LEUTX: variants seen among roughly 807,000 people sequenced by gnomAD.
LEUTX encodes the protein leucine twenty homeobox.
LEUTX carries 5 observed loss-of-function variants against 4.5 expected under a neutral mutation model. That is an observed-to-expected ratio of 1.11 (90% confidence interval 0.58 to 2.34). LEUTX has a LOEUF of 2.34. Among genes scored for constraint, LEUTX ranks in the 30% most tolerant of loss-of-function variants. The probability of loss-of-function intolerance (pLI) is 0.01; values close to 1 mark genes in which losing one functional copy is unlikely to be tolerated. For missense variants in LEUTX, 233 were observed against 239.4 expected, an observed-to-expected ratio of 0.97 and a Z score of 0.18; for synonymous variants, 89 against 85.1, an observed-to-expected ratio of 1.05 and a Z score of -0.25.
At chr19:39,782,916 G>A (rs1967908489) in intron 1 of LEUTX, among the ~76,000 whole-genome samples, 1 of 152,076 alleles carries the variant, frequency 6.6e-6, no homozygotes, top group Non-Finnish European at 1.5e-5. Flanking sequence ...TGGGGAACAA[G>A]TGGTGTTTGG....
intron 2 of LEUTX, among the ~76,000 whole-genome samples, chr19:39,785,219 G>A (rs1006873143): frequency 2.6e-5 from 4 of 152,094 alleles, no homozygotes; most frequent in African/African-American, 4.8e-5. Flanking sequence ...CAGGAGGATC[G>A]CTTAAGCCCA....
At chr19:39,777,433 A>C (rs1474508035), upstream of LEUTX, among the ~76,000 whole-genome samples, 1 of 152,212 alleles carries the variant, frequency 6.6e-6, no homozygotes, top group Non-Finnish European at 1.5e-5. Flanking sequence ...CAAATGAAGA[A>C]GTGTCAGGGG....
At chr19:39,779,731 T>A (rs1223413916) in intron 1 of LEUTX, among the ~76,000 whole-genome samples, 1 of 152,222 alleles carries the variant, frequency 6.6e-6, no homozygotes, top group Non-Finnish European at 1.5e-5. Context: ...AGTATATTAC[T>A]GGCTGGGCAT....
At chr19:39,783,655 G>A (rs1028168110) in intron 1 of LEUTX, among the ~76,000 whole-genome samples, 12 of 151,608 alleles carry the variant, frequency 7.9e-5, no homozygotes, top group Non-Finnish European at 1.2e-4. Context: ...CTGCATCCAC[G>A]CCAACATCTA....
At chr19:39,778,102 C>A (rs998826134), upstream of LEUTX, among the ~76,000 whole-genome samples, 1 of 151,774 alleles carries the variant, frequency 6.6e-6, no homozygotes, top group Non-Finnish European at 1.5e-5. Context: ...ACAAATAAGA[C>A]CCATCATGGA....
chr19:39,778,727 A>G (rs1258341854), upstream of LEUTX, among the ~76,000 whole-genome samples: 1 of 144,820 alleles, frequency 6.9e-6, no homozygotes. Context: ...CATCAGGCAT[A>G]TAATAGGTTC....
chr19:39,785,774 C>G lies in LEUTX; in HGVS notation c.236C>G (p.Pro79Arg). Residue 79 changes from proline (P) to arginine (R), a missense_variant, in exon 3 of 3, where the codon CCA becomes CGA. Physicochemically the swap from Pro to Arg is moderately radical, Grantham distance 103. Transcript: ENST00000638280. ...ATGCAGACACGGCCATCACTAGGGC[C>G]AGCAAACCAGACAACTTCAGTGAAG... is the stretch of plus-strand genomic sequence containing the variant. ...QQMQTRPSLGPANQTTSVKKE... is the reference protein window; with the variant it reads ...QQMQTRPSLGRANQTTSVKKE... 1 of 1,551,760 alleles carries G rather than the reference C, an allele frequency of 6.4e-7. No individual in the cohort carries two copies. The highest frequency in any genetic ancestry group is 8.7e-7 in the Non-Finnish European group (1 of 1,147,014).
chr19:39,777,082 A>G (rs1039382668), upstream of LEUTX, among the ~76,000 whole-genome samples: 6 of 152,102 alleles, frequency 3.9e-5, no homozygotes, highest in Admixed American at 6.5e-5. Context: ...CACCTCAGAC[A>G]TGAAAAGGTT....
At position 39,785,717 on chromosome 19, in the gene LEUTX, G is replaced by A. The variant is rs985819903; in HGVS notation, c.179G>A (p.Arg60His). The A allele has an allele frequency of 2.1e-5, 32 of 1,551,828 alleles. No homozygotes were observed. The highest frequency in any genetic ancestry group is 2.5e-5 in the Non-Finnish European group (29 of 1,146,970). ...CCTTAGATCTGGTTCAAGAACCAGC[G>A]TGCCAAATGGAAGAGGCAGCAGCGG... is the stretch of plus-strand genomic sequence containing the variant. ...SVVKIWFKNQRAKWKRQQRQQ... is the reference protein window; with the variant it reads ...SVVKIWFKNQHAKWKRQQRQQ... The change falls in exon 3 of 3, where the codon CGT (arginine) becomes CAT (histidine). Residue 60 changes from arginine (R) to histidine (H), a missense_variant. Transcript: ENST00000638280.
At chr19:39,784,217 T>G (rs1967930022) in intron 1 of LEUTX, among the ~76,000 whole-genome samples, 1 of 152,222 alleles carries the variant, frequency 6.6e-6, no homozygotes, top group Non-Finnish European at 1.5e-5. Context: ...CTCTGGTGCC[T>G]CCTTGATTAG....
At position 39,785,904 on chromosome 19, in the gene LEUTX, G is replaced by T. The variant is rs552374784; in HGVS notation, c.366G>T (p.Lys122Asn). ...ATCTACGTGAGCCTTCTGGTATCAA[G>T]AATCCTGGAGGAGCCAGCGCCTCTG... ...DHDLREPSGI[K>N]NPGGASASAR... Residue 122 changes from lysine (K) to asparagine (N), a missense_variant, in exon 3 of 3, where the codon AAG becomes AAT. Lys to Asn is a moderately conservative substitution (Grantham distance 94, BLOSUM62 0). Transcript: ENST00000638280. 22 of 1,551,802 alleles carry T rather than the reference G, an allele frequency of 1.4e-5. No homozygotes were observed. In the South Asian group the frequency reaches 2.6e-4, roughly 18 times the overall value.
At chr19:39,779,137 A>G (rs1967845806) in intron 1 of LEUTX, among the ~76,000 whole-genome samples, 1 of 152,110 alleles carries the variant, frequency 6.6e-6, no homozygotes, top group African/African-American at 2.4e-5. Flanking sequence ...TTTTTTAAAG[A>G]GATGGGGTCT....
chr19:39,782,776 G>A (rs12162264), intron 1 of LEUTX, among the ~76,000 whole-genome samples: 14,853 of 152,242 alleles, frequency 0.098, 967 homozygotes, highest in Non-Finnish European at 0.14. Flanking sequence ...AGTGGGTCTC[G>A]TGAGTCAAAT....
At chr19:39,777,906 G>A (rs997091525), upstream of LEUTX, among the ~76,000 whole-genome samples, 9 of 152,172 alleles carry the variant, frequency 5.9e-5, no homozygotes, top group African/African-American at 2.2e-4. Context: ...GCTAGTCCAA[G>A]ACTTTTCCAA....
chr19:39,780,442 T>G (rs1265353766), intron 1 of LEUTX, among the ~76,000 whole-genome samples: 1 of 152,218 alleles, frequency 6.6e-6, no homozygotes, highest in Non-Finnish European at 1.5e-5. Context: ...TTTTGTTCAT[T>G]TATTGTGCTC....
At chr19:39,776,742 G>A (rs1417538473), upstream of LEUTX, 2 of 450,388 alleles carry the variant, frequency 4.4e-6, no homozygotes, top group Non-Finnish European at 4.4e-6. Context: ...GAGACTGGGT[G>A]CAGTTGCTCA....
At chr19:39,784,038 G>A (rs1244772395) in intron 1 of LEUTX, among the ~76,000 whole-genome samples, 1 of 152,034 alleles carries the variant, frequency 6.6e-6, no homozygotes, top group Admixed American at 6.6e-5. Flanking sequence ...TGGGTTCTTG[G>A]TCATTGTGTT....
chr19:39,777,300 C>T (rs1251600343), upstream of LEUTX, among the ~76,000 whole-genome samples: 1 of 152,146 alleles, frequency 6.6e-6, no homozygotes, highest in Admixed American at 6.6e-5. Flanking sequence ...TTTTTATTTC[C>T]TGCTTCCCTC....
At chr19:39,778,826 A>C (rs1022726763), upstream of LEUTX, 2 of 152,220 alleles carry the variant, frequency 1.3e-5, no homozygotes, top group African/African-American at 4.8e-5. Flanking sequence ...ATTCTGCTTA[A>C]ATAAGCGGGT....
Sources: gnomAD v4.1 joint callset for allele counts (sites outside exome capture counted in the v4.1 genomes callset) on GRCh38, gnomAD v4.1.1 for gene constraint, MANE v1.5 for transcripts, NCBI Gene and HGNC (gene_info 2026-07-23, HGNC 2026-07-21) for gene names.